The following GLT1D1 variants were observed in gnomAD, a reference collection of about 807,000 sequenced individuals.
GLT1D1 encodes the protein glycosyltransferase 1 domain-containing protein 1.
Under a neutral mutation model 28.7 loss-of-function variants are expected in GLT1D1, and 21 were observed. That is an observed-to-expected ratio of 0.73 (90% CI 0.52 to 1.05). GLT1D1 has a LOEUF of 1.05. GLT1D1 is among the 50% of genes least tolerant of loss of function. GLT1D1 has a pLI of 0.00. For synonymous variants in GLT1D1, 147 were observed against 124.8 expected (o/e 1.18, Z -1.19); for missense variants, 343 against 330.6 (o/e 1.04, Z -0.29).
chr12:128,883,171 G>A (rs920246917), intron 2 of GLT1D1, among the ~76,000 whole-genome samples: 2 of 150,958 alleles, frequency 1.3e-5, no homozygotes, highest in South Asian at 2.1e-4. Flanking sequence ...TTATCTGCCC[G>A]CCTGGGCCTC....
intron 1 of GLT1D1, among the ~76,000 whole-genome samples, chr12:128,867,924 G>C (rs771698723): frequency 8.5e-5 from 13 of 152,194 alleles, no homozygotes; most frequent in African/African-American, 3.1e-4. Context: ...GAGAGACTGC[G>C]ATGGATTGTG....
At chr12:128,889,451 C>G (rs1868781046) in intron 3 of GLT1D1, among the ~76,000 whole-genome samples, 2 of 152,086 alleles carry the variant, frequency 1.3e-5, no homozygotes, top group Admixed American at 1.3e-4. Flanking sequence ...TGTGATAATC[C>G]TGGGGGCTGC....
chr12:128,928,839 C>T (rs1873564282), intron 4 of GLT1D1, among the ~76,000 whole-genome samples: 1 of 152,064 alleles, frequency 6.6e-6, no homozygotes, highest in Non-Finnish European at 1.5e-5. Context: ...GCAGGCTGGT[C>T]TCAAACTCCC....
chr12:128,855,358 T>A (rs1593035962), intron 1 of GLT1D1, among the ~76,000 whole-genome samples: 3 of 151,780 alleles, frequency 2.0e-5, no homozygotes, highest in Admixed American at 2.0e-4. Flanking sequence ...GCCCAGGAGT[T>A]AAAGACCAGC....
At chr12:128,887,546 G>A (rs557117959) in intron 2 of GLT1D1, among the ~76,000 whole-genome samples, 36 of 151,082 alleles carry the variant, frequency 2.4e-4, no homozygotes, top group Non-Finnish European at 4.9e-4. Context: ...AAAAGAGTTG[G>A]TCTTCACCAA....
intron 7 of GLT1D1, among the ~76,000 whole-genome samples, chr12:128,965,361 T>C (rs1878350439): frequency 6.6e-6 from 1 of 152,148 alleles, no homozygotes; most frequent in South Asian, 2.1e-4. Context: ...AGAAACTGAA[T>C]TCTGCCAACA....
intron 2 of GLT1D1, among the ~76,000 whole-genome samples, chr12:128,876,512 A>T (rs1168095061): frequency 6.6e-6 from 1 of 151,442 alleles, no homozygotes; most frequent in African/African-American, 2.4e-5. Flanking sequence ...ATAGGGTTTC[A>T]CCCTTGTTGC....
chr12:128,899,122 T>C (rs1869956061), intron 3 of GLT1D1, 114 bp from the exon 4 acceptor site: 2 of 752,626 alleles, frequency 2.7e-6, no homozygotes, highest in Admixed American at 4.4e-5. Flanking sequence ...ATTGATTGCA[T>C]TTTAAATTTA....
At chr12:128,935,569 G>A (rs1312896525) in intron 4 of GLT1D1, among the ~76,000 whole-genome samples, 1 of 151,486 alleles carries the variant, frequency 6.6e-6, no homozygotes, top group Non-Finnish European at 1.5e-5. Context: ...CAATAGAGTA[G>A]AGATGTTCTT....
intron 1 of GLT1D1, among the ~76,000 whole-genome samples, chr12:128,855,056 G>T (rs959800444): frequency 6.6e-6 from 1 of 151,904 alleles, no homozygotes; most frequent in Non-Finnish European, 1.5e-5. Flanking sequence ...TATGGGAGAG[G>T]AATGAAGGAG....
intron 7 of GLT1D1, among the ~76,000 whole-genome samples, chr12:128,969,542 C>T (rs887042075): frequency 2.0e-4 from 31 of 152,140 alleles, no homozygotes; most frequent in African/African-American, 5.5e-4. Context: ...AGCTGCTGCG[C>T]GGCAAGCAGG....
intron 2 of GLT1D1, among the ~76,000 whole-genome samples, chr12:128,885,786 G>A: frequency 6.6e-6 from 1 of 152,164 alleles, no homozygotes; most frequent in East Asian, 1.9e-4. Flanking sequence ...CGTTGATAGT[G>A]TGTATCTTTT....
chr12:128,936,878 C>T (rs1874623445), intron 4 of GLT1D1, among the ~76,000 whole-genome samples: 1 of 152,136 alleles, frequency 6.6e-6, no homozygotes, highest in South Asian at 2.1e-4. Context: ...AAATATCCCC[C>T]CTTCTTTTTC....
chr12:128,853,677 A>C, intron 1 of GLT1D1, 28 bp downstream of exon 1: 1 of 1,077,716 alleles, frequency 9.3e-7, no homozygotes, highest in Non-Finnish European at 1.1e-6. Flanking sequence ...GGGCCTACGA[A>C]GCCTGGGCCG....
At chr12:128,959,438 G>A in intron 7 of GLT1D1, among the ~76,000 whole-genome samples, 1 of 107,116 alleles carries the variant, frequency 9.3e-6, no homozygotes, top group African/African-American at 3.4e-5. Flanking sequence ...GGAGGTGGCA[G>A]CGGGGTGGGG....
chr12:128,982,650 C>T (rs535965593), intron 7 of GLT1D1, among the ~76,000 whole-genome samples: 3 of 151,970 alleles, frequency 2.0e-5, no homozygotes, highest in South Asian at 2.1e-4. Flanking sequence ...CAGTATTTTT[C>T]GTGATGTTCA....
At chr12:128,948,406 A>G (rs1876348536) in intron 6 of GLT1D1, among the ~76,000 whole-genome samples, 2 of 152,156 alleles carry the variant, frequency 1.3e-5, no homozygotes, top group African/African-American at 4.8e-5. Flanking sequence ...AGCCTTTAGC[A>G]CTGGGTTTTC....
At chr12:128,882,667 G>C (rs886543367) in intron 2 of GLT1D1, among the ~76,000 whole-genome samples, 6 of 152,044 alleles carry the variant, frequency 3.9e-5, no homozygotes, top group Non-Finnish European at 7.4e-5. Flanking sequence ...CATTATATTT[G>C]TTTCTCCCTC....
intron 7 of GLT1D1, among the ~76,000 whole-genome samples, chr12:128,967,418 A>G (rs1384719056): frequency 6.6e-6 from 1 of 152,106 alleles, no homozygotes; most frequent in Non-Finnish European, 1.5e-5. Flanking sequence ...GATCCTGGAC[A>G]CCTCTCCTGC....
Sources: gnomAD v4.1 joint callset for allele counts (sites outside exome capture counted in the v4.1 genomes callset) on GRCh38, gnomAD v4.1.1 for gene constraint, MANE v1.5 for transcripts, NCBI Gene and HGNC (gene_info 2026-07-23, HGNC 2026-07-21) for gene names.